The following EXOSC10 variants were observed in gnomAD, a reference collection of about 807,000 sequenced individuals.
EXOSC10 encodes exosome complex component 10.
Under a neutral mutation model 126.6 loss-of-function variants are expected in EXOSC10, and 94 were observed. The observed-to-expected ratio is 0.74, with a 90% CI of 0.63 to 0.88. The LOEUF (loss-of-function observed/expected upper bound fraction) is 0.88. Among genes scored for constraint, EXOSC10 ranks in the 40% least tolerant of loss-of-function variants. The pLI, the probability that EXOSC10 is intolerant of heterozygous loss-of-function variation, is 0.00. For missense variants in EXOSC10, 1,041 were observed against 1,100.5 expected, an observed-to-expected ratio of 0.95 and a Z score of 0.77; for synonymous variants, 395 against 400.8, an observed-to-expected ratio of 0.99 and a Z score of 0.17.
chr1:11,069,992 T>C (rs867336251), intron 21 of EXOSC10, among the ~76,000 whole-genome samples: 5 of 152,020 alleles, frequency 3.3e-5, no homozygotes, highest in Admixed American at 6.6e-5. Context: ...TTCCAGTGCT[T>C]TGGGCGGCCT....
At position 11,069,703 on chromosome 1, in the gene EXOSC10, G is replaced by A. The variant is rs772613159; in HGVS notation, c.2344C>T (p.Arg782Ter). The change falls in exon 22 of 25, where the codon CGA becomes TGA. Residue 782 changes from arginine to a stop codon, truncating the protein, a stop_gained. Coordinates refer to ENST00000376936, the MANE Select transcript of EXOSC10 (RefSeq NM_001001998.3). LOFTEE classifies it high-confidence loss of function. Reference sequence around the variant, plus strand: ...GTGGTCCTTGGGTCGCTTGTTGCTCGCTCTCTCTTCTTTGCAGCATTTTCT... The same window carrying A: ...GTGGTCCTTGGGTCGCTTGTTGCTCACTCTCTCTTCTTTGCAGCATTTTCT... ...VLENAAKKRE[R>*]ATSDPRTTEQ... 6.8e-6 allele frequency: 11 copies of A among 1,613,654 alleles called. No homozygotes were observed. Among genetic ancestry groups the A allele is most frequent in the African/African-American group, 1.3e-5 (1 of 74,778 alleles).
chr1:11,095,826 T>G lies in EXOSC10; in HGVS notation c.304A>C (p.Lys102Gln). The change falls in exon 3 of 25, where the codon AAA becomes CAA. Residue 102 changes from lysine to glutamine, a missense_variant. Coordinates refer to ENST00000376936, the MANE Select transcript of EXOSC10 (RefSeq NM_001001998.3). ...AACTTGTCTTCCAGCTCAGTCACTT[T>G]ACTTCGATCCTTAATGTTGCTGCGA... is the stretch of plus-strand genomic sequence containing the variant. ...GCRSNIKDRS[K>Q]VTELEDKFDL... The G allele has an allele frequency of 6.2e-7, 1 of 1,614,166 alleles. No individual in the cohort carries two copies. The highest frequency in any genetic ancestry group is 1.1e-5 in the South Asian group (1 of 91,090).
At chr1:11,083,880 T>G (rs1640337250) in intron 9 of EXOSC10, among the ~76,000 whole-genome samples, 1 of 152,134 alleles carries the variant, frequency 6.6e-6, no homozygotes, top group African/African-American at 2.4e-5. Flanking sequence ...ATGCAGTGTT[T>G]GGTTTTTTGT....
chr1:11,073,488 AGAAAATAAAGGG>A, intron 19 of EXOSC10, among the ~76,000 whole-genome samples: 1 of 152,360 alleles, frequency 6.6e-6, no homozygotes. Flanking sequence ...AAACAATGCT[AGAAAATAAAGGG>A]CTTTTGCATT....
At chr1:11,089,596 G>A (rs1418568701) in intron 6 of EXOSC10, among the ~76,000 whole-genome samples, 1 of 147,434 alleles carries the variant, frequency 6.8e-6, no homozygotes, top group African/African-American at 2.5e-5. Flanking sequence ...ACTCCAGCCT[G>A]AGCAACAAGA....
At chr1:11,074,119 G>C in intron 18 of EXOSC10, 111 bp from the exon 19 acceptor site, 1 of 1,380,688 alleles carries the variant, frequency 7.2e-7, no homozygotes, top group Non-Finnish European at 1.0e-6. Context: ...TCTTTGCCAG[G>C]ACACCAGGGC....
rs1420322772 is a variant in EXOSC10 at position 11,076,783 on chromosome 1, T to C, written c.1986+59A>G. 5.4e-6 allele frequency: 7 copies of C among 1,294,362 alleles called. No individual in the cohort carries two copies. The East Asian group carries it at 1.6e-4, about 30-fold the overall frequency. 80.2% of individuals were successfully genotyped at this position (1,294,362 alleles called of 1,614,324 possible). On this transcript the variant is annotated intron_variant, in intron 17 of 24. Coordinates refer to ENST00000376936, the MANE Select transcript of EXOSC10 (RefSeq NM_001001998.3). The stretch of plus-strand genomic sequence containing the variant: ...TGCTCCAGGCAGACAGCCTGCTGAA[T>C]AAATCCAGTAAATCCCAGGGGGTCC...
chr1:11,096,471 C>CTTTTTTTT (rs70977546), intron 2 of EXOSC10, among the ~76,000 whole-genome samples: 1 of 118,804 alleles, frequency 8.4e-6, no homozygotes. Flanking sequence ...TTCTTTCTTT[C>CTTTTTTTT]TTTTTTTTTT....
rs1209136501 is a variant in EXOSC10 at position 11,094,319 on chromosome 1, C to T, written c.372+1439G>A. Among the ~76,000 whole-genome samples the T allele has an allele frequency of 4.8e-5, 7 of 146,290 alleles. No homozygotes were observed. In the South Asian group the frequency reaches 6.5e-4, roughly 14 times the overall value. Reference sequence around the variant, plus strand: ...ACTTTTTTTTTTTTTTTTGAGATGGCGTCTCACTCTTGATGCCCAGGCTGG... The same window carrying T: ...ACTTTTTTTTTTTTTTTTGAGATGGTGTCTCACTCTTGATGCCCAGGCTGG... On this transcript the variant is annotated intron_variant, in intron 3 of 24. Transcript: ENST00000376936.
intron 1 of EXOSC10, among the ~76,000 whole-genome samples, chr1:11,098,496 T>C (rs922808936): frequency 2.0e-5 from 3 of 152,196 alleles, no homozygotes; most frequent in African/African-American, 4.8e-5. Context: ...TGTTCTCCTC[T>C]GAGAAACAGG....
chr1:11,087,413 A>T, intron 9 of EXOSC10, 35 bp downstream of exon 9: 3 of 1,612,598 alleles, frequency 1.9e-6, no homozygotes, highest in Non-Finnish European at 2.5e-6. Flanking sequence ...ATCTTGTATG[A>T]GCTCACATGC....
intron 2 of EXOSC10, 105 bp from the exon 3 acceptor site, chr1:11,095,986 A>AT: frequency 2.4e-6 from 3 of 1,229,836 alleles, no homozygotes; most frequent in Admixed American, 2.3e-5. Flanking sequence ...TTCCCAACAC[A>AT]TCTTTTTTTT....
At position 11,076,958 on chromosome 1, in the gene EXOSC10, C is replaced by G. The variant is rs1338595818; in HGVS notation, c.1880-10G>C. ...TGAACTGGCACAGATCCTAGAGGAG[C>G]AGAAGATAGTAAGGTCAAAGCCTAC... On this transcript the variant is annotated splice_polypyrimidine_tract_variant and intron_variant, in intron 16 of 24. Coordinates refer to ENST00000376936, the MANE Select transcript of EXOSC10 (RefSeq NM_001001998.3). 6.2e-7 allele frequency: 1 copy of G among 1,602,646 alleles called. No individual in the cohort carries two copies. Among genetic ancestry groups the G allele is most frequent in the Non-Finnish European group, 8.5e-7 (1 of 1,170,406 alleles).
rs1451503673 is a variant in EXOSC10, at chr1:11,082,689, G to A, written c.1279C>T (p.Arg427Cys). 7 of 1,613,926 alleles carry A rather than the reference G, an allele frequency of 4.3e-6. No individual in the cohort carries two copies. Among genetic ancestry groups the A allele is most frequent in the East Asian group, 4.5e-5 (2 of 44,902 alleles). ...TTTCCTCAGTAAGAGCAAACTGACC[G>A]TATTCTCCAATCAGCCAGCTGATAT... ...KQYQLADWRIRPLPEEMLSYA... is the reference protein window; with the variant it reads ...KQYQLADWRICPLPEEMLSYA... Residue 427 changes from arginine to cysteine, a missense_variant and splice_region_variant, in exon 10 of 25, where the codon CGC becomes TGC. Arg to Cys is a radical substitution (Grantham distance 180). Transcript: ENST00000376936.
At chr1:11,076,081 C>T (rs1389379084) in intron 17 of EXOSC10, among the ~76,000 whole-genome samples, 1 of 151,976 alleles carries the variant, frequency 6.6e-6, no homozygotes, top group Non-Finnish European at 1.5e-5. Context: ...AGGAGAATCG[C>T]TTGAACCTGG....
Position 11,095,789 on chromosome 1 carries a change from A to T in EXOSC10, c.341T>A (p.Val114Asp). ...CTCCAGAATTACATCATTGGCATCA[A>T]CTAGTAAATCAAACTTGTCTTCCAG... ...TELEDKFDLL[V>D]DANDVILERV... Residue 114 changes from valine to aspartate, a missense_variant, in exon 3 of 25, where the codon GTT becomes GAT. By Grantham distance (152) the Val-to-Asp change is radical (BLOSUM62 -3). Transcript: ENST00000376936. 2 of 1,614,178 alleles carry T rather than the reference A, an allele frequency of 1.2e-6. No homozygotes were observed. The highest frequency in any genetic ancestry group is 1.7e-6 in the Non-Finnish European group (2 of 1,179,992).
chr1:11,078,503 C>T (rs922977636), intron 14 of EXOSC10, among the ~76,000 whole-genome samples: 11 of 151,992 alleles, frequency 7.2e-5, no homozygotes, highest in East Asian at 1.9e-4. Context: ...GTGATCCGCC[C>T]GCCTCGGCCT....
intron 11 of EXOSC10, 50 bp from the exon 12 acceptor site, chr1:11,080,962 C>CCT: frequency 6.3e-7 from 1 of 1,579,770 alleles, no homozygotes; most frequent in Non-Finnish European, 8.6e-7. Context: ...AAAATTGTGC[C>CCT]CTGGGCTCTG....
intron 21 of EXOSC10, among the ~76,000 whole-genome samples, chr1:11,070,056 A>G (rs549639007): frequency 2.0e-5 from 3 of 151,936 alleles, no homozygotes; most frequent in Non-Finnish European, 4.4e-5. Context: ...ACATAGCAAG[A>G]CCCCTATCTC....
Sources: gnomAD v4.1 joint callset for allele counts (sites outside exome capture counted in the v4.1 genomes callset) on GRCh38, gnomAD v4.1.1 for gene constraint, MANE v1.5 for transcripts, NCBI Gene and HGNC (gene_info 2026-07-23, HGNC 2026-07-21) for gene names.